The following NSD2 variants were observed in gnomAD, a reference collection of about 807,000 sequenced individuals.
NSD2 encodes histone-lysine N-methyltransferase NSD2.
Under a neutral mutation model 139.0 loss-of-function variants are expected in NSD2, and 12 were observed. That is an observed-to-expected ratio of 0.09 (90% CI 0.06 to 0.14). The LOEUF (loss-of-function observed/expected upper bound fraction) is 0.14. NSD2 is among the 10% of genes least tolerant of loss of function. The pLI, the probability that NSD2 is intolerant of heterozygous loss-of-function variation, is 1.00. For missense variants in NSD2, 1,155 were observed against 1,745.0 expected, an observed-to-expected ratio of 0.66 and a Z score of 6.02; for synonymous variants, 669 against 648.7, an observed-to-expected ratio of 1.03 and a Z score of -0.48.
chr4:1,943,484 A>G, intron 9 of NSD2: 1 of 1,046,734 alleles, frequency 9.6e-7, no homozygotes, highest in Non-Finnish European at 1.2e-6. Flanking sequence ...TTTGGCATGA[A>G]AAGTGGTCCT....
At chr4:1,880,476 G>A (rs1032026002) in intron 1 of NSD2, among the ~76,000 whole-genome samples, 2 of 152,110 alleles carry the variant, frequency 1.3e-5, no homozygotes, top group Admixed American at 6.6e-5. Flanking sequence ...CATTCATTGA[G>A]TATCAGTTGT....
At position 1,891,876 on chromosome 4, in the gene NSD2, AAAAAACAAAC is replaced by A. The variant is rs1158563407; in HGVS notation, c.-29-8743_-29-8734del. Among the ~76,000 whole-genome samples, 398 of 151,412 alleles carry A rather than the reference AAAAAACAAAC, an allele frequency of 2.6e-3. 3 individuals carry two copies. Among genetic ancestry groups the A allele is most frequent in the African/African-American group, 9.2e-3 (378 of 41,272 alleles). ...CATCTCAAAAAAAAAAAAAAACAAA[AAAAAACAAAC>A]AAAAACGAAAAAACGAAAAACCTCA... On this transcript the variant is annotated intron_variant, in intron 1 of 21. Transcript: ENST00000508803.
In NSD2 at chr4:1,981,031, G is replaced by A. The variant is rs886216020; in HGVS notation, c.*2122G>A. ...CAGGTAAGGGACTACCAATGCTTAC[G>A]TCAAAACAGCAGAATCGGCTTTGCA... On this transcript the variant is annotated 3_prime_UTR_variant, in exon 22 of 22. Transcript: ENST00000508803. 8.6e-6 allele frequency: 2 copies of A among 233,100 alleles called. No individual in the cohort carries two copies. The highest frequency in any genetic ancestry group is 2.2e-5 in the African/African-American group (1 of 45,332). 14.4% of individuals were successfully genotyped at this position (233,100 alleles called of 1,614,324 possible).
At chr4:1,945,442 TCA>T (rs1723524273) in intron 9 of NSD2, 1 of 1,064,016 alleles carries the variant, frequency 9.4e-7, no homozygotes, top group African/African-American at 1.6e-5. Context: ...GCTGGGTCTG[TCA>T]CAGAGAAGTT....
chr4:1,948,459 G>T lies in NSD2; in HGVS notation c.1882-2613G>T. On this transcript the variant is annotated intron_variant, in intron 9 of 21. Coordinates refer to ENST00000508803, the MANE Select transcript of NSD2 (RefSeq NM_001042424.3). The surrounding 1 kb of genome is among the most constrained non-coding windows in gnomAD (Gnocchi z 4.5). ...GCTGGAGTAAGGCTTGCTGTGGGACGCCCTCGTACTTTGCTCTCCTTGCGG... is the reference window on the plus strand; with the variant it reads ...GCTGGAGTAAGGCTTGCTGTGGGACTCCCTCGTACTTTGCTCTCCTTGCGG... 1 of 1,065,668 alleles carries T rather than the reference G, an allele frequency of 9.4e-7. No individual in the cohort carries two copies. Among genetic ancestry groups the T allele is most frequent in the Non-Finnish European group, 1.1e-6 (1 of 878,576 alleles). The allele number at this position is 1,065,668 out of a possible 1,614,324, so 66.0% of individuals were successfully genotyped here.
chr4:1,873,204 G>A (rs2108877986), intron 1 of NSD2, among the ~76,000 whole-genome samples: 1 of 152,314 alleles, frequency 6.6e-6, no homozygotes, highest in Non-Finnish European at 1.5e-5. Context: ...TTTTGAGTTT[G>A]TGTAAGCTTT....
Position 1,942,987 on chromosome 4 carries a change from C to T in NSD2, c.1881+3209C>T, listed in dbSNP as rs954029077. 9.5e-7 allele frequency: 1 copy of T among 1,051,148 alleles called. No individual in the cohort carries two copies. The highest frequency in any genetic ancestry group is 1.1e-6 in the Non-Finnish European group (1 of 870,520). 65.1% of individuals were successfully genotyped at this position (1,051,148 alleles called of 1,614,324 possible). On this transcript the variant is annotated intron_variant, in intron 9 of 21. Coordinates refer to ENST00000508803, the MANE Select transcript of NSD2 (RefSeq NM_001042424.3). This position sits in a 1 kb window ranked among gnomAD's most constrained non-coding sequence, Gnocchi z 4.0. ...ACAGTAAATTTTTAGAAAAAAATACCATTTACAGTATTATTGTGAACCATT... is the reference window on the plus strand; with the variant it reads ...ACAGTAAATTTTTAGAAAAAAATACTATTTACAGTATTATTGTGAACCATT...
intron 9 of NSD2, chr4:1,947,449 A>AC (rs1723751068): frequency 9.4e-7 from 1 of 1,058,846 alleles, no homozygotes; most frequent in African/African-American, 1.6e-5. Flanking sequence ...TCAGAGACTC[A>AC]CCCCCAGCCC....
rs183433399 is a variant in NSD2, at chr4:1,885,193, C to T, written c.-30+13651C>T. Among the ~76,000 whole-genome samples, 166 of 152,252 alleles carry T rather than the reference C, an allele frequency of 1.1e-3. 1 individual carries two copies. The highest frequency in any genetic ancestry group is 3.7e-3 in the African/African-American group (155 of 41,562). On this transcript the variant is annotated intron_variant, in intron 1 of 21. Coordinates refer to ENST00000508803, the MANE Select transcript of NSD2 (RefSeq NM_001042424.3). ...ACAAATAGTGCTGCTTGTTTGTCCA[C>T]TATCTACCTTTTTAGGCTGAATGCA...
At chr4:1,953,228 C>T (rs773042514) in intron 11 of NSD2, 96 bp from the exon 12 acceptor site, 11 of 1,603,398 alleles carry the variant, frequency 6.9e-6, no homozygotes, top group Admixed American at 5.2e-5. Context: ...ATGGCTGCCT[C>T]TGAAGAGGAG....
intron 7 of NSD2, among the ~76,000 whole-genome samples, chr4:1,937,162 C>T (rs1320516745): frequency 2.0e-5 from 3 of 152,094 alleles, no homozygotes; most frequent in African/African-American, 7.2e-5. Context: ...AGTGATTCTC[C>T]TGCCTCAGAC....
At chr4:1,889,098 A>G (rs1449853805) in intron 1 of NSD2, among the ~76,000 whole-genome samples, 2 of 151,200 alleles carry the variant, frequency 1.3e-5, no homozygotes, top group Non-Finnish European at 2.9e-5. Flanking sequence ...AGGTTTCGCC[A>G]TTTTGGCCAG....
chr4:1,918,507 A>G lies in NSD2; in HGVS notation c.1294A>G (p.Arg432Gly), dbSNP rs1449515277. The G allele has an allele frequency of 2.5e-6, 4 of 1,613,880 alleles. No homozygotes were observed. The highest frequency in any genetic ancestry group is 2.7e-5 in the African/African-American group (2 of 74,930). The change falls in exon 5 of 22, where the codon AGA becomes GGA. Residue 432 changes from arginine to glycine, a missense_variant. Arg to Gly is a moderately radical substitution (Grantham distance 125). Transcript: ENST00000508803. ...TPQKTAEADP[R>G]RGVGSPPGRK... ...TCAAAAGACGGCAGAGGCTGACCCC[A>G]GAAGAGGAGTAGGGTCTCCTCCTGG...
At chr4:1,947,326 C>T (rs1177485625) in intron 9 of NSD2, 1 of 1,062,224 alleles carries the variant, frequency 9.4e-7, no homozygotes, top group Non-Finnish European at 1.1e-6. Context: ...GACACTTGGT[C>T]CTTGCTGCCA....
At chr4:1,904,613 T>G (rs1417783518) in intron 3 of NSD2, among the ~76,000 whole-genome samples, 2 of 152,244 alleles carry the variant, frequency 1.3e-5, no homozygotes, top group African/African-American at 4.8e-5. Context: ...CTTTGCCTTG[T>G]ATAACTTCTG....
intron 9 of NSD2, chr4:1,947,528 A>C: frequency 2.8e-6 from 3 of 1,055,148 alleles, no homozygotes; most frequent in Non-Finnish European, 3.4e-6. Context: ...ACTTTAATAA[A>C]AATTGTTATG....
At chr4:1,931,244 G>T (rs1262563867) in intron 6 of NSD2, among the ~76,000 whole-genome samples, 1 of 152,220 alleles carries the variant, frequency 6.6e-6, no homozygotes, top group East Asian at 1.9e-4. Context: ...AGTGTGGGCA[G>T]CTCCTGGCTT....
At chr4:1,887,971 C>T (rs560771088) in intron 1 of NSD2, among the ~76,000 whole-genome samples, 4 of 152,054 alleles carry the variant, frequency 2.6e-5, no homozygotes, top group South Asian at 2.1e-4. Context: ...CCAGATTGGA[C>T]TCCTCCCTAT....
In NSD2 at chr4:1,963,362, CT is replaced by C. The variant is rs553308048; in HGVS notation, c.3372+2212del. Among the ~76,000 whole-genome samples, 9 of 152,162 alleles carry C rather than the reference CT, an allele frequency of 5.9e-5. No homozygotes were observed. The South Asian group carries it at 1.9e-3, about 31-fold the overall frequency. ...GGAGTTGAGTACCCTGTGTAGACCC[CT>C]GGGAGGGTTTTAGCCCTAGGGAAGG... is the stretch of plus-strand genomic sequence containing the variant. On this transcript the variant is annotated intron_variant, in intron 18 of 21. Transcript: ENST00000508803.
Sources: allele counts gnomAD v4.1 joint callset (sites outside exome capture counted in the v4.1 genomes callset), GRCh38; gene constraint gnomAD v4.1.1; non-coding constraint Gnocchi (gnomAD v3.1); transcripts MANE v1.5; gene names NCBI Gene and HGNC (gene_info 2026-07-23, HGNC 2026-07-21).